The following FKBP10 variants were observed in gnomAD, a reference collection of about 807,000 sequenced individuals.
FKBP10 encodes peptidyl-prolyl cis-trans isomerase FKBP10.
A neutral mutation model predicts 53.7 loss-of-function variants in FKBP10; 34 were observed. The ratio of observed to expected loss-of-function variants is 0.63; its 90% CI spans 0.48 to 0.84. The LOEUF is 0.84. Among genes scored for constraint, FKBP10 ranks in the 40% least tolerant of loss-of-function variants. FKBP10 has a pLI of 0.00. For missense variants in FKBP10, 748 were observed against 797.8 expected (o/e 0.94, Z 0.75); for synonymous variants, 324 against 335.7 (o/e 0.97, Z 0.38).
At chr17:41,815,265 G>A (rs192513008) in intron 1 of FKBP10, among the ~76,000 whole-genome samples, 28 of 152,146 alleles carry the variant, frequency 1.8e-4, no homozygotes, top group East Asian at 7.8e-4. Flanking sequence ...CTCGTGATCC[G>A]CCCACCTCGG....
chr17:41,815,492 G>A (rs2047803788), intron 1 of FKBP10, among the ~76,000 whole-genome samples: 1 of 147,100 alleles, frequency 6.8e-6, no homozygotes, highest in African/African-American at 2.5e-5. Flanking sequence ...TTGAGACAGA[G>A]TCTTGCTCTG....
In FKBP10 at chr17:41,821,702, T is replaced by C; in HGVS notation, c.1448T>C (p.Val483Ala). The change falls in exon 9 of 10, where the codon GTG becomes GCG. Residue 483 changes from valine (V) to alanine (A), a missense_variant. Val to Ala is a moderately conservative substitution (Grantham distance 64). Transcript: ENST00000321562. Reference protein sequence around the residue: ...SAVLLFEVELVSREDGLPTGY... With the variant: ...SAVLLFEVELASREDGLPTGY... ...GTGCTGCTGTTTGAGGTGGAGCTGG[T>C]GTCCCGGGAGGATGGGCTGCCCACA... is the stretch of plus-strand genomic sequence containing the variant. 12 of 1,614,070 alleles carry C rather than the reference T, an allele frequency of 7.4e-6. No individual in the cohort carries two copies. Among genetic ancestry groups the C allele is most frequent in the Non-Finnish European group, 1.0e-5 (12 of 1,179,988 alleles).
At position 41,820,250 on chromosome 17, in the gene FKBP10, T is replaced by A. The variant is rs2047873338; in HGVS notation, c.1064-19T>A. 1 of 1,613,454 alleles carries A rather than the reference T, an allele frequency of 6.2e-7. No individual in the cohort carries two copies. The highest frequency in any genetic ancestry group is 1.1e-5 in the South Asian group (1 of 91,066). ...TCCTAGTGCTCTGAGCTGACCACAC[T>A]CCCCCATTCTGGCCTCAGGAGACAA... is the stretch of plus-strand genomic sequence containing the variant. On this transcript the variant is annotated intron_variant, in intron 6 of 9. Coordinates refer to ENST00000321562, the MANE Select transcript of FKBP10 (RefSeq NM_021939.4).
rs182135638 is a variant in FKBP10, at chr17:41,816,321, C to T, written c.246-737C>T. On this transcript the variant is annotated intron_variant, in intron 1 of 9. Transcript: ENST00000321562. ...TTTCGGCTCATTGCAACCTCCGCCT[C>T]CCGGGTTCACGCCATTCTCCTGCCT... 5.9e-3 allele frequency among the ~76,000 whole-genome samples: 879 copies of T among 148,930 alleles called. 14 individuals carry two copies. The highest frequency in any genetic ancestry group is 0.02 in the African/African-American group (787 of 40,342).
rs782549693 is a variant in FKBP10, at chr17:41,819,617, G to T, written c.1005G>T (p.Met335Ile). The T allele has an allele frequency of 4.3e-6, 7 of 1,613,442 alleles. No individual in the cohort carries two copies. The South Asian group carries it at 7.7e-5, about 18-fold the overall frequency. ...GMDQGLQGAC[M>I]GERRRITIPP... ...ACCAGGGGCTGCAGGGTGCCTGCAT[G>T]GGGGAACGCCGGAGAATTACCATCC... The change falls in exon 6 of 10, where the codon ATG (methionine) becomes ATT (isoleucine). Residue 335 changes from methionine to isoleucine, a missense_variant. Physicochemically the swap from Met to Ile is conservative, Grantham distance 10. Coordinates refer to ENST00000321562, the MANE Select transcript of FKBP10 (RefSeq NM_021939.4).
chr17:41,821,324 T>C (rs2047889173), intron 8 of FKBP10, among the ~76,000 whole-genome samples: 1 of 152,026 alleles, frequency 6.6e-6, no homozygotes, highest in Non-Finnish European at 1.5e-5. Flanking sequence ...GGTTTTGCCA[T>C]GTTGGTCAGG....
At position 41,822,734 on chromosome 17, in the gene FKBP10, C is replaced by T. The variant is rs2047908339; in HGVS notation, c.*326C>T. 2 of 427,830 alleles carry T rather than the reference C, an allele frequency of 4.7e-6. No homozygotes were observed. The highest frequency in any genetic ancestry group is 3.6e-5 in the Admixed American group (1 of 28,014). The allele number at this position is 427,830 out of a possible 1,614,324, so 26.5% of individuals were successfully genotyped here. ...CCATACCTCCCCTCCACATCACTGA[C>T]ACAGCTGAGCTTGTTATCCATCTCC... On this transcript the variant is annotated 3_prime_UTR_variant, in exon 10 of 10. Coordinates refer to ENST00000321562, the MANE Select transcript of FKBP10 (RefSeq NM_021939.4).
chr17:41,818,592 C>G (rs2047846690), intron 4 of FKBP10, 65 bp downstream of exon 4: 2 of 1,599,970 alleles, frequency 1.3e-6, no homozygotes, highest in Non-Finnish European at 8.5e-7. Flanking sequence ...CCTCCACATA[C>G]AGTTGCTCAG....
intron 6 of FKBP10, chr17:41,820,019 G>C (rs7221862): frequency 6.7e-7 from 1 of 1,486,306 alleles, no homozygotes. Context: ...ATGCTGATCC[G>C]CAGGGTAAGT....
intron 1 of FKBP10, among the ~76,000 whole-genome samples, chr17:41,813,682 C>T (rs1393001014): frequency 6.6e-6 from 1 of 152,116 alleles, no homozygotes; most frequent in Non-Finnish European, 1.5e-5. Flanking sequence ...CCCACCCTGA[C>T]TCCCCTTCTG....
At chr17:41,813,313 T>C in intron 1 of FKBP10, 34 bp downstream of exon 1, 1 of 1,612,852 alleles carries the variant, frequency 6.2e-7, no homozygotes, top group South Asian at 1.1e-5. Flanking sequence ...GATTCACCAC[T>C]CCGTCCCCTG....
In FKBP10 at chr17:41,818,112, A is replaced by C; in HGVS notation, c.415A>C (p.Thr139Pro). The C allele has an allele frequency of 6.2e-7, 1 of 1,612,710 alleles. No homozygotes were observed. Among genetic ancestry groups the C allele is most frequent in the Non-Finnish European group, 8.5e-7 (1 of 1,179,540 alleles). The change falls in exon 3 of 10, where the codon ACC (threonine) becomes CCC (proline). Residue 139 changes from threonine to proline, a missense_variant. Thr to Pro is a conservative substitution (Grantham distance 38). Coordinates refer to ENST00000321562, the MANE Select transcript of FKBP10 (RefSeq NM_021939.4). ...GLAGLIPPDA[T>P]LYFDVVLLDV... is the part of the protein sequence containing the mutation. ...AGCGGGGCTCATTCCACCGGATGCCACCCTCTACTTCGATGTGGTTCTGCT... is the reference window on the plus strand; with the variant it reads ...AGCGGGGCTCATTCCACCGGATGCCCCCCTCTACTTCGATGTGGTTCTGCT...
chr17:41,813,988 G>A (rs868987895), intron 1 of FKBP10, among the ~76,000 whole-genome samples: 1 of 152,178 alleles, frequency 6.6e-6, no homozygotes, highest in African/African-American at 2.4e-5. Context: ...GGCACAGGCC[G>A]CCCATTTTTG....
chr17:41,818,042 T>C (rs1555616314), intron 2 of FKBP10, 47 bp from the exon 3 acceptor site: 4 of 1,545,506 alleles, frequency 2.6e-6, no homozygotes, highest in Non-Finnish European at 3.5e-6. Flanking sequence ...GGGATCGTGG[T>C]TGGCAGAGCA....
Position 41,818,249 on chromosome 17 carries a change from C to G in FKBP10, c.552C>G (p.Thr184=). ...TTGTCCGCTACCACTACAATGGCAC[C>G]CTGCTGGACGGCACCTCCTTCGACA... ...GDFVRYHYNG[T]LLDGTSFDTS... is the part of the protein sequence containing the mutation. The change falls in exon 3 of 10, where the codon ACC becomes ACG. Residue 184 remains threonine (T), a synonymous_variant. Transcript: ENST00000321562. The G allele has an allele frequency of 6.2e-7, 1 of 1,613,660 alleles. No homozygotes were observed. The highest frequency in any genetic ancestry group is 8.5e-7 in the Non-Finnish European group (1 of 1,180,016).
At chr17:41,820,532 C>G (rs2047878594) in intron 7 of FKBP10, 71 bp downstream of exon 7, 2 of 1,500,414 alleles carry the variant, frequency 1.3e-6, no homozygotes, top group Admixed American at 1.7e-5. Flanking sequence ...CTCAGTGCAC[C>G]CCCGACGCCT....
Position 41,819,924 on chromosome 17 carries a change from G to T in FKBP10, c.1063+249G>T, listed in dbSNP as rs782820247. ...GCAGCCAAGTTTGGGGAGGGAGGGT[G>T]GTTATGGAAAAACAGAACCAGCATA... On this transcript the variant is annotated intron_variant, in intron 6 of 9. Transcript: ENST00000321562. The T allele has an allele frequency of 2.0e-5, 31 of 1,539,046 alleles. 1 individual carries two copies. In the South Asian group the frequency reaches 3.6e-4, roughly 18 times the overall value.
At chr17:41,818,568 A>AG in intron 4 of FKBP10, 41 bp downstream of exon 4, 1 of 1,613,180 alleles carries the variant, frequency 6.2e-7, no homozygotes, top group Non-Finnish European at 8.5e-7. Context: ...TCCGCAGAAG[A>AG]GGGAAAAACC....
At position 41,819,264 on chromosome 17, in the gene FKBP10, T is replaced by G; in HGVS notation, c.782T>G (p.Val261Gly). The change falls in exon 5 of 10, where the codon GTG becomes GGG. Residue 261 changes from valine (V) to glycine (G), a missense_variant. Val to Gly is a moderately radical substitution (Grantham distance 109). Transcript: ENST00000321562. Reference protein sequence around the residue: ...SLVFHVLLIDVHNPKDAVQLE... With the variant: ...SLVFHVLLIDGHNPKDAVQLE... The stretch of plus-strand genomic sequence containing the variant: ...GTCTTTCACGTCCTCCTGATTGACG[T>G]GCACAACCCGAAGGACGCTGTCCAG... The G allele has an allele frequency of 1.9e-6, 3 of 1,614,152 alleles. No individual in the cohort carries two copies. The highest frequency in any genetic ancestry group is 2.5e-6 in the Non-Finnish European group (3 of 1,180,032).
Sources: allele counts gnomAD v4.1 joint callset (sites outside exome capture counted in the v4.1 genomes callset), GRCh38; gene constraint gnomAD v4.1.1; transcripts MANE v1.5; gene names NCBI Gene and HGNC (gene_info 2026-07-23, HGNC 2026-07-21).